Variants in PLCH2 observed in about 807,000 individuals in gnomAD.
PLCH2 encodes 1-phosphatidylinositol 4,5-bisphosphate phosphodiesterase eta-2.
A neutral mutation model predicts 134.7 loss-of-function variants in PLCH2; 98 were observed. That is an observed-to-expected ratio of 0.73 (90% CI 0.62 to 0.86). The LOEUF (loss-of-function observed/expected upper bound fraction) is 0.86, where lower values mean the gene tolerates loss of function less well. Ranked by LOEUF, PLCH2 falls within the 40% of genes least tolerant of loss-of-function variation. The pLI, the probability that PLCH2 is intolerant of heterozygous loss-of-function variation, is 0.00. For synonymous variants in PLCH2, 974 were observed against 827.5 expected (o/e 1.18, Z -3.04); for missense variants, 1,994 against 1,986.6 (o/e 1.00, Z -0.07).
upstream of PLCH2, among the ~76,000 whole-genome samples, chr1:2,473,560 C>T (rs779231269): frequency 6.6e-6 from 1 of 152,310 alleles, no homozygotes; most frequent in South Asian, 2.1e-4. Context: ...CACTGGCTCC[C>T]GTCACCTCCT....
chr1:2,480,352 G>A, intron 4 of PLCH2, 40 bp downstream of exon 4: 1 of 1,597,854 alleles, frequency 6.3e-7, no homozygotes, highest in Non-Finnish European at 8.5e-7. Flanking sequence ...CAGAGCCAGG[G>A]CTGCACGGGG....
At chr1:2,423,548 T>C (rs1192874438), upstream of PLCH2, among the ~76,000 whole-genome samples, 2 of 152,000 alleles carry the variant, frequency 1.3e-5, no homozygotes, top group African/African-American at 4.8e-5. Context: ...CCCCTGGAGT[T>C]CTGGGCTGGG....
intron 21 of PLCH2, chr1:2,503,340 C>T (rs573606900): frequency 3.4e-5 from 20 of 581,170 alleles, no homozygotes; most frequent in African/African-American, 7.5e-5. Flanking sequence ...CTAGGGCAGG[C>T]TCCAGGGGTC....
Position 2,503,910 on chromosome 1 carries a change from A to ACCCCCCCCCCCCCCCCCCCCCCCCCCC in PLCH2, c.2960-10_2960-9insCCCCCCCCCCCCCCCCCCCCCCCCCCC. On this transcript the variant is annotated splice_polypyrimidine_tract_variant and intron_variant, in intron 21 of 21. Transcript: ENST00000378486. ...CCCTCTGGCTCTCTCTCACTCCCCC[A>ACCCCCCCCCCCCCCCCCCCCCCCCCCC]CCTCCCCACAGACACCCGCCCCCTC... The ACCCCCCCCCCCCCCCCCCCCCCCCCCC allele has an allele frequency of 7.5e-6, 2 of 266,704 alleles. No homozygotes were observed. Among genetic ancestry groups the ACCCCCCCCCCCCCCCCCCCCCCCCCCC allele is most frequent in the South Asian group, 4.3e-5 (1 of 23,146 alleles). 16.5% of individuals were successfully genotyped at this position (266,704 alleles called of 1,614,324 possible). A position where few individuals can be genotyped will look rare whatever the true frequency, so the allele number is the denominator to read the frequency against.
At chr1:2,497,401 C>T (rs1389560732) in intron 15 of PLCH2, 101 bp from the exon 16 acceptor site, 15 of 744,860 alleles carry the variant, frequency 2.0e-5, no homozygotes, top group South Asian at 8.5e-5. Context: ...GGCAGATACG[C>T]GGCAGCTGTG....
At position 2,496,574 on chromosome 1, in the gene PLCH2, G is replaced by A. The variant is rs770687545; in HGVS notation, c.1836-33G>A. On this transcript the variant is annotated intron_variant, in intron 13 of 21. Coordinates refer to ENST00000378486, the MANE Select transcript of PLCH2 (RefSeq NM_014638.4). ...GCTGGGTGCCAGGCTGGCCCTGGAC[G>A]GGAGGGGTTCTGACCCCCTGCACCT... is the stretch of plus-strand genomic sequence containing the variant. 19 of 1,565,270 alleles carry A rather than the reference G, an allele frequency of 1.2e-5. No homozygotes were observed. The East Asian group carries it at 1.9e-4, about 15-fold the overall frequency.
At chr1:2,477,056 G>A (rs559905222) in intron 1 of PLCH2, among the ~76,000 whole-genome samples, 3 of 152,290 alleles carry the variant, frequency 2.0e-5, no homozygotes, top group East Asian at 1.9e-4. Context: ...CAGCCCAGGC[G>A]GCTGGGCTGG....
intron 4 of PLCH2, among the ~76,000 whole-genome samples, chr1:2,482,925 G>C (rs769139697): frequency 6.6e-6 from 1 of 152,196 alleles, no homozygotes. Context: ...CATGGCCAGC[G>C]TGCAGGTGGC....
chr1:2,474,329 G>C (rs1380626690), upstream of PLCH2, among the ~76,000 whole-genome samples: 1 of 152,080 alleles, frequency 6.6e-6, no homozygotes, highest in Non-Finnish European at 1.5e-5. Flanking sequence ...GTTTTGGAGG[G>C]GAGTGGGCGG....
rs561631424 is a variant in PLCH2, at chr1:2,431,627, C to T, written c.115+998C>T. Among the ~76,000 whole-genome samples the T allele has an allele frequency of 1.1e-4, 16 of 152,192 alleles. No homozygotes were observed. In the East Asian group the frequency reaches 1.9e-3, roughly 18 times the overall value. ...TTCCAACTCTGGCAGGGCCTGGGGG[C>T]GGGAGGAGCCAGCGGTCCTATATGC... On this transcript the variant is annotated intron_variant, in intron 2 of 3. Transcript: ENST00000609981.
At chr1:2,489,737 C>T (rs1642466202) in intron 9 of PLCH2, 23 bp from the exon 10 acceptor site, 1 of 1,572,534 alleles carries the variant, frequency 6.4e-7, no homozygotes, top group African/African-American at 1.3e-5. Flanking sequence ...AGGGCCCCTC[C>T]CATCATGCAC....
chr1:2,422,019 C>A (rs1242280984), upstream of PLCH2, among the ~76,000 whole-genome samples: 1 of 151,582 alleles, frequency 6.6e-6, no homozygotes, highest in Admixed American at 6.6e-5. Context: ...GCCTGTAATC[C>A]CAGCACTTTG....
chr1:2,430,060 G>A (rs2100480782), intron 1 of PLCH2, among the ~76,000 whole-genome samples: 1 of 152,308 alleles, frequency 6.6e-6, no homozygotes, highest in East Asian at 1.9e-4. Flanking sequence ...TGGTCTTCTG[G>A]CTTCCTCTGT....
chr1:2,451,539 T>A (rs1019408414), intron 2 of PLCH2, among the ~76,000 whole-genome samples: 4 of 152,120 alleles, frequency 2.6e-5, no homozygotes, highest in Admixed American at 6.5e-5. Context: ...AGGGCCACCG[T>A]GAGGCCAGAG....
At chr1:2,425,244 G>A (rs1638731524), upstream of PLCH2, among the ~76,000 whole-genome samples, 1 of 142,062 alleles carries the variant, frequency 7.0e-6, no homozygotes, top group Non-Finnish European at 1.5e-5. Flanking sequence ...ACACACATAT[G>A]TAACACACAC....
Position 2,486,985 on chromosome 1 carries a change from C to T in PLCH2, c.895C>T (p.Leu299=), listed in dbSNP as rs116153847. Residue 299 remains leucine, a synonymous_variant, in exon 6 of 22, where the codon CTG becomes TTG. Transcript: ENST00000378486. ...EPCPENKSKG[L]LGIDGFTNYT... ...ATGCCCAGAAAACAAGAGTAAGGGG[C>T]TGCTGGGCATTGATGGTGAGTGGGG... The T allele has an allele frequency of 1.7e-5, 27 of 1,601,098 alleles. No homozygotes were observed. In the African/African-American group the frequency reaches 3.5e-4, roughly 21 times the overall value.
At chr1:2,481,553 C>A (rs558470602) in intron 4 of PLCH2, among the ~76,000 whole-genome samples, 1 of 152,228 alleles carries the variant, frequency 6.6e-6, no homozygotes, top group Non-Finnish European at 1.5e-5. Flanking sequence ...GAGACAGATG[C>A]CCCTCACTGA....
intron 2 of PLCH2, among the ~76,000 whole-genome samples, chr1:2,433,852 T>G (rs1404372003): frequency 6.6e-6 from 1 of 152,184 alleles, no homozygotes; most frequent in East Asian, 1.9e-4. Flanking sequence ...AGCCATCGAC[T>G]CCCTCCACGG....
chr1:2,459,553 CT>C (rs1323653265), intron 2 of PLCH2, among the ~76,000 whole-genome samples: 19 of 142,260 alleles, frequency 1.3e-4, no homozygotes, highest in African/African-American at 5.0e-4. Flanking sequence ...GTCCTCCTTC[CT>C]GGTGGTCCTC....
Sources: gnomAD v4.1 joint callset for allele counts (sites outside exome capture counted in the v4.1 genomes callset) on GRCh38, gnomAD v4.1.1 for gene constraint, MANE v1.5 for transcripts, NCBI Gene and HGNC (gene_info 2026-07-23, HGNC 2026-07-21) for gene names.